Variants in SETD1B observed in about 807,000 individuals in gnomAD.
The protein encoded by SETD1B is histone-lysine N-methyltransferase SETD1B.
A neutral mutation model predicts 148.0 loss-of-function variants in SETD1B; 7 were observed. The observed-to-expected ratio is 0.05, with a 90% confidence interval of 0.03 to 0.09. SETD1B has a LOEUF of 0.09. SETD1B is among the 10% of genes least tolerant of loss of function. The probability of loss-of-function intolerance (pLI) is 1.00; values close to 1 mark genes in which losing one functional copy is unlikely to be tolerated. For missense variants in SETD1B, 2,155 were observed against 2,729.9 expected, an observed-to-expected ratio of 0.79 and a Z score of 4.69; for synonymous variants, 1,361 against 1,186.5, an observed-to-expected ratio of 1.15 and a Z score of -3.02.
chr12:121,825,679 C>G (rs1270018001), intron 13 of SETD1B, among the ~76,000 whole-genome samples: 1 of 151,952 alleles, frequency 6.6e-6, no homozygotes, highest in Non-Finnish European at 1.5e-5. Context: ...AAGCCTTGCT[C>G]TGTCACATAG....
At chr12:121,799,817 C>T (rs538759548), upstream of SETD1B, 33 of 152,136 alleles carry the variant, frequency 2.2e-4, no homozygotes, top group African/African-American at 7.5e-4. Context: ...CCAAATCTCC[C>T]TCACGGTCTG....
At chr12:121,814,986 A>C in intron 7 of SETD1B, 56 bp downstream of exon 7, 1 of 1,438,288 alleles carries the variant, frequency 7.0e-7, no homozygotes, top group Non-Finnish European at 9.4e-7. Context: ...GCAGGTCCCC[A>C]GCCGGGCACC....
the SETD1B span, chr12:121,793,396 G>A: frequency 1.3e-6 from 2 of 1,481,762 alleles, no homozygotes; most frequent in East Asian, 2.5e-5. Context: ...GGTGGCGGCC[G>A]CCTGTCCGTG....
In SETD1B at chr12:121,808,156, G is replaced by C; in HGVS notation, c.545-52G>C. 4 of 1,408,948 alleles carry C rather than the reference G, an allele frequency of 2.8e-6. No individual in the cohort carries two copies. The highest frequency in any genetic ancestry group is 3.9e-6 in the Non-Finnish European group (4 of 1,023,150). 87.3% of individuals were successfully genotyped at this position (1,408,948 alleles called of 1,614,324 possible). On this transcript the variant is annotated intron_variant, in intron 4 of 16. Transcript: ENST00000604567. The surrounding 1 kb of genome is among the most constrained non-coding windows in gnomAD (Gnocchi z 5.3). ...CACACAGGTTGGAATCCTTGTGGGG[G>C]CTGCCCCATCCTGGAACCTCACTGA... is the stretch of plus-strand genomic sequence containing the variant.
chr12:121,794,368 G>C, the SETD1B span: 2 of 152,256 alleles, frequency 1.3e-5, no homozygotes, highest in African/African-American at 4.8e-5. Context: ...GGCGCCGGCC[G>C]CTCCGGGCGC....
At position 121,804,928 on chromosome 12, in the gene SETD1B, C is replaced by T. The variant is rs1401919404; in HGVS notation, c.174+17C>T. 7 of 1,481,174 alleles carry T rather than the reference C, an allele frequency of 4.7e-6. No homozygotes were observed. The East Asian group carries it at 1.2e-4, about 26-fold the overall frequency. The allele number at this position is 1,481,174 out of a possible 1,614,324, so 91.8% of individuals were successfully genotyped here. Reference sequence around the variant, plus strand: ...AGCCTGGCGGTGAGTAGCCGGCGCGCCCCCCCAGCCGTGCCCCGCGTCGTG... The same window carrying T: ...AGCCTGGCGGTGAGTAGCCGGCGCGTCCCCCCAGCCGTGCCCCGCGTCGTG... On this transcript the variant is annotated intron_variant, in intron 2 of 16. Transcript: ENST00000604567. The surrounding 1 kb of genome is among the most constrained non-coding windows in gnomAD (Gnocchi z 4.6).
intron 10 of SETD1B, among the ~76,000 whole-genome samples, chr12:121,818,847 C>T (rs1056075641): frequency 1.4e-5 from 2 of 147,874 alleles, no homozygotes; most frequent in African/African-American, 2.5e-5. Context: ...CCGGGATCGC[C>T]CCACTGCACT....
rs1251305067 is a variant in SETD1B at position 121,823,051 on chromosome 12, G to A, written c.4472G>A (p.Arg1491Gln). 17 of 1,512,514 alleles carry A rather than the reference G, an allele frequency of 1.1e-5. No individual in the cohort carries two copies. Among genetic ancestry groups the A allele is most frequent in the Middle Eastern group, 1.7e-4 (1 of 5,790 alleles). The allele number at this position is 1,512,514 out of a possible 1,614,324, so 93.7% of individuals were successfully genotyped here. A position where few individuals can be genotyped will look rare whatever the true frequency, so the allele number is the denominator to read the frequency against. ...PLPLALPAVLRAQARAPTPLP... is the reference protein window; with the variant it reads ...PLPLALPAVLQAQARAPTPLP... ...CCCTTGGCATTGCCCGCCGTCTTGC[G>A]GGCCCAGGCTCGTGCGCCCACCCCG... Residue 1491 changes from arginine to glutamine, a missense_variant, in exon 12 of 17, where the codon CGG becomes CAG. This residue lies in a region of SETD1B where 862 missense variants were observed against 873.8 expected (regional missense o/e 0.99). Coordinates refer to ENST00000604567, the MANE Select transcript of SETD1B (RefSeq NM_001353345.2).
chr12:121,791,987 C>T, the SETD1B span, among the ~76,000 whole-genome samples: 2 of 152,394 alleles, frequency 1.3e-5, no homozygotes, highest in Non-Finnish European at 2.9e-5. Context: ...TCAGCTCTCC[C>T]AGCTCACCAG....
chr12:121,791,099 C>G, the SETD1B span, among the ~76,000 whole-genome samples: 2 of 151,578 alleles, frequency 1.3e-5, no homozygotes, highest in Non-Finnish European at 2.9e-5. Context: ...GTCTTGAACT[C>G]CTGGCTTCAA....
the SETD1B span, among the ~76,000 whole-genome samples, chr12:121,798,333 C>T: frequency 7.2e-5 from 11 of 152,370 alleles, no homozygotes; most frequent in Admixed American, 7.2e-4. Flanking sequence ...GCCGCCTTCC[C>T]AGGGAGCGCC....
chr12:121,793,366 T>C, the SETD1B span: 29 of 1,432,920 alleles, frequency 2.0e-5, no homozygotes, highest in East Asian at 6.7e-4. Context: ...GGCTCTGGAA[T>C]TCCCGAGGGG....
At position 121,817,409 on chromosome 12, in the gene SETD1B, C is replaced by T. The variant is rs1205739090; in HGVS notation, c.3017C>T (p.Pro1006Leu). Reference sequence around the variant, plus strand: ...CGAGACCGGGATATGGCAGACACCCCCTGTGAGCTCGCCAAGCGGGACCCC... The same window carrying T: ...CGAGACCGGGATATGGCAGACACCCTCTGTGAGCTCGCCAAGCGGGACCCC... The part of the protein sequence containing the change: ...RERDRDMADT[P>L]CELAKRDPKG... Residue 1006 changes from proline (P) to leucine (L), a missense_variant, in exon 9 of 17, where the codon CCC becomes CTC. Physicochemically the swap from Pro to Leu is moderately conservative, Grantham distance 98. Around this residue, in one of 11 missense-constraint regions of SETD1B, gnomAD observed 289 missense variants for 423.7 expected, o/e 0.68. Transcript: ENST00000604567. The surrounding 1 kb of genome is among the most constrained non-coding windows in gnomAD (Gnocchi z 8.1). The T allele has an allele frequency of 6.5e-7, 1 of 1,534,742 alleles. No individual in the cohort carries two copies. Among genetic ancestry groups the T allele is most frequent in the Non-Finnish European group, 8.8e-7 (1 of 1,135,898 alleles).
chr12:121,829,077 G>A (rs1323808012), intron 16 of SETD1B, among the ~76,000 whole-genome samples: 4 of 151,976 alleles, frequency 2.6e-5, no homozygotes, highest in African/African-American at 9.7e-5. Flanking sequence ...AAGGGAGGCA[G>A]TGGGCATGGG....
At position 121,829,364 on chromosome 12, in the gene SETD1B, C is replaced by T. The variant is rs140541600; in HGVS notation, c.5728-702C>T. Reference sequence around the variant, plus strand: ...AGTAGACACAACCAAGAGGCCCTTCCGGGACTGAACTCACCGGCCCTGGTT... The same window carrying T: ...AGTAGACACAACCAAGAGGCCCTTCTGGGACTGAACTCACCGGCCCTGGTT... On this transcript the variant is annotated intron_variant, in intron 16 of 16. Transcript: ENST00000604567. 3.9e-3 allele frequency among the ~76,000 whole-genome samples: 587 copies of T among 152,262 alleles called. 3 individuals are homozygous for T. Among genetic ancestry groups the T allele is most frequent in the South Asian group, 0.012 (58 of 4,820 alleles).
In SETD1B at chr12:121,810,357, G is replaced by A; in HGVS notation, c.1412G>A (p.Gly471Asp). ...SMELGGRPTF[G>D]WSPEPCDSPG... ...GAGCTGGGCGGCCGGCCCACCTTCGGCTGGAGTCCTGAGCCCTGTGACAGC... is the reference window on the plus strand; with the variant it reads ...GAGCTGGGCGGCCGGCCCACCTTCGACTGGAGTCCTGAGCCCTGTGACAGC... The change falls in exon 6 of 17, where the codon GGC becomes GAC. Residue 471 changes from glycine to aspartate, a missense_variant. This residue lies in a region of SETD1B where 376 missense variants were observed against 385.0 expected (regional missense o/e 0.98). Transcript: ENST00000604567. This position sits in a 1 kb window ranked among gnomAD's most constrained non-coding sequence, Gnocchi z 7.6. 5 of 1,547,070 alleles carry A rather than the reference G, an allele frequency of 3.2e-6. No individual in the cohort carries two copies. Among genetic ancestry groups the A allele is most frequent in the Non-Finnish European group, 4.4e-6 (5 of 1,146,766 alleles).
At chr12:121,815,469 A>T (rs1876247719) in intron 7 of SETD1B, among the ~76,000 whole-genome samples, 1 of 148,672 alleles carries the variant, frequency 6.7e-6, no homozygotes, top group Non-Finnish European at 1.5e-5. Context: ...ACCTCCCCTC[A>T]TGCCGCCTTT....
chr12:121,793,326 G>T, the SETD1B span: 1 of 1,449,714 alleles, frequency 6.9e-7, no homozygotes. Context: ...CCCCTCACTC[G>T]TCCCGGATCA....
At chr12:121,819,274 G>GC (rs1876449284) in intron 10 of SETD1B, 130 bp from the exon 11 acceptor site, 1 of 1,462,700 alleles carries the variant, frequency 6.8e-7, no homozygotes, top group Admixed American at 2.7e-5. Context: ...GTGAACACAT[G>GC]CCCCACACAC....
Sources: allele counts gnomAD v4.1 joint callset (sites outside exome capture counted in the v4.1 genomes callset), GRCh38; gene constraint gnomAD v4.1.1; regional missense constraint gnomAD v4.1.1; non-coding constraint Gnocchi (gnomAD v3.1); transcripts MANE v1.5; gene names NCBI Gene and HGNC (gene_info 2026-07-23, HGNC 2026-07-21).